The following SEMA6D variants were observed in gnomAD, a reference collection of about 807,000 sequenced individuals.
SEMA6D encodes semaphorin-6D.
SEMA6D carries 35 observed loss-of-function variants against 106.6 expected under a neutral mutation model. The ratio of observed to expected loss-of-function variants is 0.33; its 90% CI spans 0.25 to 0.44. SEMA6D has a LOEUF of 0.44. SEMA6D is among the 20% of genes least tolerant of loss of function. SEMA6D has a pLI of 1.00. For synonymous variants in SEMA6D, 499 were observed against 487.7 expected (o/e 1.02, Z -0.31); for missense variants, 1,185 against 1,345.9 (o/e 0.88, Z 1.87).
chr15:47,521,802 G>T (rs1409368898), intron 3 of SEMA6D, among the ~76,000 whole-genome samples: 2 of 152,064 alleles, frequency 1.3e-5, no homozygotes, highest in Non-Finnish European at 2.9e-5. Context: ...TGCCTAACAC[G>T]GTGAAACCCC....
rs2082729501 is a variant in SEMA6D, at chr15:47,773,746, A to T, written c.*1961A>T. On this transcript the variant is annotated 3_prime_UTR_variant, in exon 19 of 19. Transcript: ENST00000536845. The stretch of plus-strand genomic sequence containing the variant: ...GTTCTTGAAACACTTCAGCTTTGCA[A>T]CTAAAATATTACAGATTAATAATAA... 1.3e-5 allele frequency: 2 copies of T among 152,652 alleles called. No individual in the cohort carries two copies. Among genetic ancestry groups the T allele is most frequent in the African/African-American group, 4.8e-5 (2 of 41,452 alleles). The allele number at this position is 152,652 out of a possible 1,614,324, so 9.5% of individuals were successfully genotyped here.
chr15:47,328,990 G>A (rs1017327720), intron 1 of SEMA6D, among the ~76,000 whole-genome samples: 18 of 152,000 alleles, frequency 1.2e-4, no homozygotes, highest in Admixed American at 7.2e-4. Context: ...TATGAGTCTC[G>A]TTTTAGCCAG....
intron 3 of SEMA6D, among the ~76,000 whole-genome samples, chr15:47,480,181 C>T (rs1190343147): frequency 6.6e-6 from 1 of 151,994 alleles, no homozygotes; most frequent in Non-Finnish European, 1.5e-5. Flanking sequence ...ATTCTTATTG[C>T]ACTTCCTGTG....
At chr15:47,483,544 A>G (rs1159906874) in intron 3 of SEMA6D, among the ~76,000 whole-genome samples, 1 of 152,152 alleles carries the variant, frequency 6.6e-6, no homozygotes, top group Non-Finnish European at 1.5e-5. Flanking sequence ...TCTTAACTGT[A>G]ATAGTCAGGT....
intron 3 of SEMA6D, among the ~76,000 whole-genome samples, chr15:47,479,181 C>G (rs916874723): frequency 2.6e-5 from 4 of 152,116 alleles, no homozygotes; most frequent in African/African-American, 9.7e-5. Context: ...TTACTTCATA[C>G]ATATATAATT....
At chr15:47,638,045 T>C (rs8040746) in intron 4 of SEMA6D, among the ~76,000 whole-genome samples, 2,067 of 152,326 alleles carry the variant, frequency 0.014, 44 homozygotes, top group African/African-American at 0.048. Flanking sequence ...AAAAAACTTA[T>C]TTAAAATTTG....
Position 47,770,963 on chromosome 15 carries a change from T to G in SEMA6D, c.2400T>G (p.Ala800=), listed in dbSNP as rs2082597205. Residue 800 remains alanine (A), a synonymous_variant, in exon 19 of 19, where the codon GCT becomes GCG. Transcript: ENST00000536845. ...SHSEKAHGHG[A]SRKETPQFFP... ...CAGAAAAGGCCCATGGCCATGGAGC[T>G]TCAAGGAAAGAAACCCCTCAGTTTT... 1 of 1,614,062 alleles carries G rather than the reference T, an allele frequency of 6.2e-7. No individual in the cohort carries two copies. The highest frequency in any genetic ancestry group is 8.5e-7 in the Non-Finnish European group (1 of 1,179,980).
chr15:47,362,636 G>T (rs1014043880), intron 1 of SEMA6D, among the ~76,000 whole-genome samples: 4 of 152,154 alleles, frequency 2.6e-5, no homozygotes, highest in African/African-American at 9.7e-5. Flanking sequence ...TCAGTGGGAA[G>T]AGAGCAGAGT....
chr15:47,434,228 CTG>C (rs2041630383), intron 2 of SEMA6D, among the ~76,000 whole-genome samples: 1 of 152,042 alleles, frequency 6.6e-6, no homozygotes, highest in Admixed American at 6.6e-5. Flanking sequence ...AACAAGGTAA[CTG>C]TGTGGTTCAA....
intron 1 of SEMA6D, among the ~76,000 whole-genome samples, chr15:47,727,580 A>G (rs2146539001): frequency 6.6e-6 from 1 of 152,358 alleles, no homozygotes; most frequent in South Asian, 2.1e-4. Flanking sequence ...GAGAATGATT[A>G]TGAGCTGAAG....
intron 1 of SEMA6D, among the ~76,000 whole-genome samples, chr15:47,722,023 A>G (rs935095318): frequency 1.3e-5 from 2 of 152,126 alleles, no homozygotes; most frequent in Non-Finnish European, 2.9e-5. Context: ...TGTGGTAACT[A>G]AAGTTAACAC....
At chr15:47,761,258 T>C in intron 5 of SEMA6D, 38 bp downstream of exon 5, 1 of 1,612,398 alleles carries the variant, frequency 6.2e-7, no homozygotes, top group Non-Finnish European at 8.5e-7. Context: ...GATTTAGTCT[T>C]TCTGTGGGCT....
chr15:47,373,107 T>G (rs558528303), intron 1 of SEMA6D, among the ~76,000 whole-genome samples: 10 of 152,320 alleles, frequency 6.6e-5, no homozygotes, highest in African/African-American at 2.4e-4. Flanking sequence ...CACCTGCTTC[T>G]TGCACTGCAT....
chr15:47,271,503 C>T (rs1236297040), intron 1 of SEMA6D, among the ~76,000 whole-genome samples: 4 of 152,056 alleles, frequency 2.6e-5, no homozygotes, highest in African/African-American at 9.7e-5. Context: ...CATTATCAGT[C>T]CACACTTTTG....
intron 2 of SEMA6D, among the ~76,000 whole-genome samples, chr15:47,430,546 TG>T (rs1451707326): frequency 6.6e-5 from 10 of 152,212 alleles, no homozygotes; most frequent in Admixed American, 2.6e-4. Context: ...TAATGTGGGC[TG>T]GGTCTCCTGG....
At chr15:47,300,998 C>A (rs2035997389) in intron 1 of SEMA6D, among the ~76,000 whole-genome samples, 1 of 152,190 alleles carries the variant, frequency 6.6e-6, no homozygotes, top group Non-Finnish European at 1.5e-5. Context: ...CACTTGCTTC[C>A]TCCATGGAAA....
At chr15:47,189,286 C>G (rs1334559218) in intron 1 of SEMA6D, among the ~76,000 whole-genome samples, 1 of 152,144 alleles carries the variant, frequency 6.6e-6, no homozygotes. Flanking sequence ...TCCCACCAGG[C>G]TGGCAGCTTT....
At chr15:47,443,621 A>G (rs2041944874) in intron 2 of SEMA6D, among the ~76,000 whole-genome samples, 1 of 152,254 alleles carries the variant, frequency 6.6e-6, no homozygotes, top group Non-Finnish European at 1.5e-5. Context: ...ACCATGGGAG[A>G]TAACAAAATG....
At chr15:47,430,654 A>G (rs746640038) in intron 2 of SEMA6D, among the ~76,000 whole-genome samples, 18 of 152,002 alleles carry the variant, frequency 1.2e-4, no homozygotes, top group Non-Finnish European at 2.4e-4. Context: ...ACGAAAGAGC[A>G]TATGTTTCCT....
Sources: allele counts gnomAD v4.1 joint callset (sites outside exome capture counted in the v4.1 genomes callset), GRCh38; gene constraint gnomAD v4.1.1; transcripts MANE v1.5; gene names NCBI Gene and HGNC (gene_info 2026-07-23, HGNC 2026-07-21).